The following PLCZ1 variants were observed in gnomAD, a reference collection of about 807,000 sequenced individuals.
PLCZ1 encodes 1-phosphatidylinositol 4,5-bisphosphate phosphodiesterase zeta-1.
Under a neutral mutation model 76.8 loss-of-function variants are expected in PLCZ1, and 64 were observed. The ratio of observed to expected loss-of-function variants is 0.83; its 90% confidence interval spans 0.68 to 1.03. The LOEUF (loss-of-function observed/expected upper bound fraction) is 1.03, where lower values mean the gene tolerates loss of function less well. Among genes scored for constraint, PLCZ1 ranks in the 50% least tolerant of loss-of-function variants. PLCZ1 has a pLI of 0.00. For missense variants in PLCZ1, 751 were observed against 713.7 expected (o/e 1.05, Z -0.60); for synonymous variants, 248 against 230.8 (o/e 1.07, Z -0.68).
chr12:18,696,348 A>ATATATATC lies in PLCZ1; in HGVS notation c.1175-83_1175-82insGATATATA, dbSNP rs10523511. 7.0e-5 allele frequency: 15 copies of ATATATATC among 214,328 alleles called. 1 individual carries two copies. Among genetic ancestry groups the ATATATATC allele is most frequent in the African/African-American group, 2.8e-4 (10 of 35,590 alleles). The allele number at this position is 214,328 out of a possible 1,614,324, so 13.3% of individuals were successfully genotyped here. A position where few individuals can be genotyped will look rare whatever the true frequency, so the allele number is the denominator to read the frequency against. On this transcript the variant is annotated intron_variant, in intron 10 of 14. Coordinates refer to ENST00000266505, the MANE Select transcript of PLCZ1 (RefSeq NM_033123.4). ...TATATATATATATATATATATATATATATCATATAATTCTATAATAGTTTC... is the reference window on the plus strand; with the variant it reads ...TATATATATATATATATATATATATATATATATCTATCATATAATTCTATAATAGTTTC...
At chr12:18,653,120 A>T in the PLCZ1 span, among the ~76,000 whole-genome samples, 1 of 152,088 alleles carries the variant, frequency 6.6e-6, no homozygotes, top group African/African-American at 2.4e-5. Context: ...AAATGAGGTT[A>T]TAGATCATTG....
At chr12:18,724,046 A>G (rs1015141797) in intron 3 of PLCZ1, among the ~76,000 whole-genome samples, 2 of 152,068 alleles carry the variant, frequency 1.3e-5, no homozygotes, top group African/African-American at 4.8e-5. Context: ...TTCCAATAAG[A>G]AAGAGTGGAT....
intron 3 of PLCZ1, among the ~76,000 whole-genome samples, chr12:18,727,882 G>T (rs1958841919): frequency 1.3e-5 from 2 of 152,060 alleles, no homozygotes; most frequent in Non-Finnish European, 2.9e-5. Context: ...TTCATTTCTG[G>T]TCTGAGGACC....
At chr12:18,700,038 A>C in intron 9 of PLCZ1, 88 bp from the exon 10 acceptor site, 1 of 1,088,762 alleles carries the variant, frequency 9.2e-7, no homozygotes. Flanking sequence ...ACTTTCAAAC[A>C]AATGATTTTC....
chr12:18,694,104 C>CTA, intron 12 of PLCZ1: 1 of 1,019,204 alleles, frequency 9.8e-7, no homozygotes, highest in Non-Finnish European at 1.5e-6. Context: ...CTCTAGTGAA[C>CTA]TACGGCTGCC....
chr12:18,657,600 C>T, the PLCZ1 span, among the ~76,000 whole-genome samples: 3 of 152,070 alleles, frequency 2.0e-5, no homozygotes, highest in African/African-American at 7.2e-5. Flanking sequence ...CTAAGCTAAC[C>T]GAAAAGAGAA....
At chr12:18,720,710 G>A (rs981578308) in intron 4 of PLCZ1, among the ~76,000 whole-genome samples, 1 of 151,978 alleles carries the variant, frequency 6.6e-6, no homozygotes, top group African/African-American at 2.4e-5. Context: ...CTTTGGCAGA[G>A]AATTTTATTT....
At chr12:18,648,348 A>G in the PLCZ1 span, 1 of 227,650 alleles carries the variant, frequency 4.4e-6, no homozygotes, top group African/African-American at 2.2e-5. Context: ...GTGTGCCTAC[A>G]GTTAAAAGCA....
chr12:18,734,688 A>T (rs1343374239), intron 3 of PLCZ1, among the ~76,000 whole-genome samples: 1 of 152,136 alleles, frequency 6.6e-6, no homozygotes, highest in African/African-American at 2.4e-5. Context: ...AGGAGTTTCT[A>T]CATGTAAGAT....
At position 18,688,079 on chromosome 12, in the gene PLCZ1, A is replaced by G. The variant is rs775487027; in HGVS notation, c.1591+10T>C. On this transcript the variant is annotated intron_variant, in intron 13 of 14. Transcript: ENST00000266505. ...TAATGGAAATTCAATAAGGTATATC[A>G]GGAGCTCACCATTTTTTTTAATTAC... 5 of 1,610,222 alleles carry G rather than the reference A, an allele frequency of 3.1e-6. No individual in the cohort carries two copies. Among genetic ancestry groups the G allele is most frequent in the Non-Finnish European group, 3.4e-6 (4 of 1,178,594 alleles).
the PLCZ1 span, among the ~76,000 whole-genome samples, chr12:18,650,744 A>ATATATC: frequency 5.2e-4 from 22 of 41,962 alleles, no homozygotes; most frequent in Non-Finnish European, 7.9e-5. Context: ...ATATATATAT[A>ATATATC]TATATATATA....
chr12:18,700,350 T>A (rs1955709639), intron 9 of PLCZ1, among the ~76,000 whole-genome samples: 1 of 152,014 alleles, frequency 6.6e-6, no homozygotes, highest in East Asian at 1.9e-4. Flanking sequence ...TTTACACTTC[T>A]TTTTAGCCAT....
At chr12:18,679,969 T>A (rs1251804667), downstream of PLCZ1, among the ~76,000 whole-genome samples, 2 of 152,026 alleles carry the variant, frequency 1.3e-5, no homozygotes, top group African/African-American at 4.8e-5. Context: ...TTCCAGTGGC[T>A]GGTAGAAGTA....
At chr12:18,675,903 T>C in the PLCZ1 span, among the ~76,000 whole-genome samples, 3 of 152,034 alleles carry the variant, frequency 2.0e-5, no homozygotes, top group South Asian at 4.1e-4. Context: ...GAGATTTTAC[T>C]TTTTGGGTAC....
In PLCZ1 at chr12:18,732,904, A is replaced by G. The variant is rs531138538; in HGVS notation, c.135+3317T>C. On this transcript the variant is annotated intron_variant, in intron 3 of 14. Coordinates refer to ENST00000266505, the MANE Select transcript of PLCZ1 (RefSeq NM_033123.4). ...AGATTGCTTGCATATCTTGGCTATC[A>G]TAAAATAATGCTGCAATATATACAG... Among the ~76,000 whole-genome samples the G allele has an allele frequency of 3.6e-3, 552 of 152,334 alleles. 4 individuals carry two copies. Among genetic ancestry groups the G allele is most frequent in the African/African-American group, 0.013 (528 of 41,574 alleles).
the PLCZ1 span, among the ~76,000 whole-genome samples, chr12:18,661,608 C>T: frequency 2.0e-5 from 3 of 152,086 alleles, no homozygotes; most frequent in East Asian, 3.9e-4. Flanking sequence ...GACCATCTCA[C>T]ACCAGTCAGA....
chr12:18,659,716 C>A, the PLCZ1 span, among the ~76,000 whole-genome samples: 2,353 of 143,820 alleles, frequency 0.016, 55 homozygotes, highest in African/African-American at 0.057. Context: ...GGCACATGTG[C>A]ACAACGTGCA....
In PLCZ1 at chr12:18,688,120, C is replaced by T; in HGVS notation, c.1560G>A (p.Met520Ile). The change falls in exon 13 of 15, where the codon ATG becomes ATA. Residue 520 changes from methionine (M) to isoleucine (I), a missense_variant. By Grantham distance (10) the Met-to-Ile change is conservative. Coordinates refer to ENST00000266505, the MANE Select transcript of PLCZ1 (RefSeq NM_033123.4). Reference sequence around the variant, plus strand: ...TTTTAATTACACGAGTCTGCTGCTTCATTTGATCATTTGGAACACCAAAAA... The same window carrying T: ...TTTTAATTACACGAGTCTGCTGCTTTATTTGATCATTTGGAACACCAAAAA... ...IEVFGVPNDQ[M>I]KQQTRVIKKN... The T allele has an allele frequency of 6.2e-7, 1 of 1,611,498 alleles. No homozygotes were observed. Among genetic ancestry groups the T allele is most frequent in the Non-Finnish European group, 8.5e-7 (1 of 1,178,986 alleles).
chr12:18,703,982 C>A (rs1445844627), intron 7 of PLCZ1, among the ~76,000 whole-genome samples: 2 of 152,070 alleles, frequency 1.3e-5, no homozygotes, highest in East Asian at 1.9e-4. Flanking sequence ...TACTATTCAT[C>A]AAAAAGAAAG....
Sources: allele counts gnomAD v4.1 joint callset (sites outside exome capture counted in the v4.1 genomes callset), GRCh38; gene constraint gnomAD v4.1.1; transcripts MANE v1.5; gene names NCBI Gene and HGNC (gene_info 2026-07-23, HGNC 2026-07-21).